The following MYO10 variants were observed in gnomAD, a reference collection of about 807,000 sequenced individuals.
The protein encoded by MYO10 is unconventional myosin-X.
A neutral mutation model predicts 257.3 loss-of-function variants in MYO10; 133 were observed. That is an observed-to-expected ratio of 0.52 (90% confidence interval 0.45 to 0.60). The LOEUF (loss-of-function observed/expected upper bound fraction) is 0.60. Among genes scored for constraint, MYO10 ranks in the 20% least tolerant of loss-of-function variants. The pLI, the probability that MYO10 is intolerant of heterozygous loss-of-function variation, is 0.00. For synonymous variants in MYO10, 1,104 were observed against 1,028.6 expected (o/e 1.07, Z -1.40); for missense variants, 2,399 against 2,635.7 (o/e 0.91, Z 1.97).
rs1561158469 is a variant in MYO10, at chr5:16,663,345, T to TTTTTTTTTTTTTTTTTTTTTTTTTTTTTA, written c.*3346_*3347insTAAAAAAAAAAAAAAAAAAAAAAAAAAAA. On this transcript the variant is annotated 3_prime_UTR_variant, in exon 41 of 41. Transcript: ENST00000513610. ...TTCTAGTTGTTTTTTTTTTTTTTTT[T>TTTTTTTTTTTTTTTTTTTTTTTTTTTTTA]TTTTTTTTTTTTTTTTTTTTTTACA... 1 of 90,372 alleles carries TTTTTTTTTTTTTTTTTTTTTTTTTTTTTA rather than the reference T, an allele frequency of 1.1e-5. No individual in the cohort carries two copies. Among genetic ancestry groups the TTTTTTTTTTTTTTTTTTTTTTTTTTTTTA allele is most frequent in the Non-Finnish European group, 2.7e-5 (1 of 37,216 alleles). The allele number at this position is 90,372 out of a possible 1,614,324, so 5.6% of individuals were successfully genotyped here.
At chr5:16,768,664 C>CTCTTTTTTT (rs760457328) in intron 10 of MYO10, among the ~76,000 whole-genome samples, 1 of 70,140 alleles carries the variant, frequency 1.4e-5, no homozygotes, top group Non-Finnish European at 2.5e-5. Context: ...TTTCTCTTTT[C>CTCTTTTTTT]TTTTTTTTTT....
chr5:16,783,046 C>T (rs1741468677), intron 5 of MYO10, among the ~76,000 whole-genome samples: 1 of 152,146 alleles, frequency 6.6e-6, no homozygotes, highest in African/African-American at 2.4e-5. Flanking sequence ...GATGCAGGTG[C>T]TTCAAAAACA....
Position 16,702,554 on chromosome 5 carries a change from G to T in MYO10, c.2545C>A (p.Arg849Ser). The change falls in exon 24 of 41, where the codon CGC (arginine) becomes AGC (serine). Residue 849 changes from arginine (R) to serine (S), a missense_variant. Physicochemically the swap from Arg to Ser is moderately radical, Grantham distance 110 (BLOSUM62 -1). Coordinates refer to ENST00000513610, the MANE Select transcript of MYO10 (RefSeq NM_012334.3). ...RERERREAEL[R>S]AQQEEETRKQ... The stretch of plus-strand genomic sequence containing the variant: ...ACTGCACTCATTACCTGCTGGGCGC[G>T]GAGCTCGGCTTCTCTTCGCTCTCTC... 6.3e-7 allele frequency: 1 copy of T among 1,591,450 alleles called. No individual in the cohort carries two copies. The highest frequency in any genetic ancestry group is 8.6e-7 in the Non-Finnish European group (1 of 1,168,458).
chr5:16,713,582 C>T lies in MYO10; in HGVS notation c.1930-2337G>A, dbSNP rs181981978. ...GGAGGGAGGGAGCAAGGAGCGGCCT[C>T]GAGATCCAGGCTCCCATTGCGATTG... On this transcript the variant is annotated intron_variant, in intron 19 of 40. Coordinates refer to ENST00000513610, the MANE Select transcript of MYO10 (RefSeq NM_012334.3). The T allele has an allele frequency of 1.2e-5, 10 of 814,202 alleles. No homozygotes were observed. The East Asian group carries it at 8.8e-4, about 71-fold the overall frequency. The allele number at this position is 814,202 out of a possible 1,614,324, so 50.4% of individuals were successfully genotyped here.
At position 16,854,840 on chromosome 5, in the gene MYO10, T is replaced by C. The variant is rs1012527930; in HGVS notation, c.120+22769A>G. 1.8e-4 allele frequency among the ~76,000 whole-genome samples: 27 copies of C among 152,140 alleles called. 1 individual carries two copies. Among genetic ancestry groups the C allele is most frequent in the Admixed American group, 1.2e-3 (19 of 15,270 alleles). ...TGAGGTCAGGAGTTCGAGACCAGCCTGGCTAACATGGTGAAACTCTATCTC... is the reference window on the plus strand; with the variant it reads ...TGAGGTCAGGAGTTCGAGACCAGCCCGGCTAACATGGTGAAACTCTATCTC... On this transcript the variant is annotated intron_variant, in intron 2 of 40. Transcript: ENST00000513610.
At position 16,694,353 on chromosome 5, in the gene MYO10, C is replaced by A; in HGVS notation, c.3800+18G>T. ...CCATGAGCAACCCATCGGGCCACAG[C>A]CAGGCTTAGCAACCTACTTTGCCGT... is the stretch of plus-strand genomic sequence containing the variant. On this transcript the variant is annotated intron_variant, in intron 27 of 40. Transcript: ENST00000513610. 2 of 1,613,670 alleles carry A rather than the reference C, an allele frequency of 1.2e-6. No homozygotes were observed. The highest frequency in any genetic ancestry group is 8.5e-7 in the Non-Finnish European group (1 of 1,179,602).
At chr5:16,818,352 G>A (rs1742689783) in intron 2 of MYO10, among the ~76,000 whole-genome samples, 185 bp from the exon 3 acceptor site, 1 of 140,912 alleles carries the variant, frequency 7.1e-6, no homozygotes, top group South Asian at 2.3e-4. Flanking sequence ...CTCTCTCTGT[G>A]TGTGTATGTA....
At chr5:16,809,562 T>C (rs896859196) in intron 3 of MYO10, among the ~76,000 whole-genome samples, 9 of 152,272 alleles carry the variant, frequency 5.9e-5, no homozygotes, top group Admixed American at 2.0e-4. Context: ...TTTCTCTGGC[T>C]GATGCCTGCT....
intron 3 of MYO10, among the ~76,000 whole-genome samples, chr5:16,797,227 A>C (rs1242851506): frequency 4.6e-5 from 7 of 152,190 alleles, no homozygotes; most frequent in African/African-American, 1.7e-4. Flanking sequence ...CATGATGCTG[A>C]AAAGAAATGT....
rs150919043 is a variant in MYO10 at position 16,712,805 on chromosome 5, G to A, written c.1930-1560C>T. Among the ~76,000 whole-genome samples, 9 of 152,310 alleles carry A rather than the reference G, an allele frequency of 5.9e-5. No homozygotes were observed. The East Asian group carries it at 1.7e-3, about 29-fold the overall frequency. On this transcript the variant is annotated intron_variant, in intron 19 of 40. Transcript: ENST00000513610. ...GCAGTATTCCAAACAAGTGCAGCCAGCAAATTAGGGCAAACATCCAAAGAA... is the reference window on the plus strand; with the variant it reads ...GCAGTATTCCAAACAAGTGCAGCCAACAAATTAGGGCAAACATCCAAAGAA...
At chr5:16,765,477 C>T (rs1740836361) in intron 11 of MYO10, among the ~76,000 whole-genome samples, 1 of 152,136 alleles carries the variant, frequency 6.6e-6, no homozygotes, top group South Asian at 2.1e-4. Context: ...AATAAACTCC[C>T]CTTTATATCT....
intron 34 of MYO10, 111 bp downstream of exon 34, chr5:16,675,920 G>A (rs1023645952): frequency 8.5e-6 from 11 of 1,295,470 alleles, no homozygotes; most frequent in Middle Eastern, 2.3e-4. Flanking sequence ...AATTCACGAC[G>A]AATAAGAGAG....
intron 27 of MYO10, among the ~76,000 whole-genome samples, chr5:16,690,171 GTAAC>G (rs1737433835): frequency 6.6e-6 from 1 of 152,146 alleles, no homozygotes; most frequent in Non-Finnish European, 1.5e-5. Flanking sequence ...ACAATACAGT[GTAAC>G]TACTATTTAC....
chr5:16,727,080 A>G (rs1055545379), intron 19 of MYO10, among the ~76,000 whole-genome samples: 5 of 152,272 alleles, frequency 3.3e-5, no homozygotes, highest in African/African-American at 9.6e-5. Context: ...AAAACTTAGT[A>G]TGAAAAAATA....
chr5:16,682,804 A>T (rs920458322), intron 30 of MYO10, among the ~76,000 whole-genome samples: 14 of 148,062 alleles, frequency 9.5e-5, no homozygotes, highest in South Asian at 2.1e-4. Flanking sequence ...AATAAAAAAT[A>T]AAAAAAGCCT....
chr5:16,690,649 C>A (rs1281238858), intron 27 of MYO10, among the ~76,000 whole-genome samples: 5 of 151,902 alleles, frequency 3.3e-5, no homozygotes, highest in African/African-American at 1.2e-4. Context: ...CAACCTCGGC[C>A]CGGCGTGAGC....
chr5:16,676,469 C>A (rs1409843007), intron 33 of MYO10, among the ~76,000 whole-genome samples: 3 of 152,196 alleles, frequency 2.0e-5, no homozygotes, highest in Non-Finnish European at 4.4e-5. Context: ...GTAATCCCCG[C>A]ATTTTGGGAG....
intron 4 of MYO10, among the ~76,000 whole-genome samples, chr5:16,791,778 T>C (rs1741766192): frequency 1.3e-5 from 2 of 152,240 alleles, no homozygotes. Context: ...TCTTAAATTA[T>C]ATTCTGTATG....
At chr5:16,927,972 T>G (rs1318853205) in intron 1 of MYO10, among the ~76,000 whole-genome samples, 1 of 152,142 alleles carries the variant, frequency 6.6e-6, no homozygotes, top group African/African-American at 2.4e-5. Flanking sequence ...CAATAACTGT[T>G]CCATGGGTAT....
Sources: gnomAD v4.1 joint callset for allele counts (sites outside exome capture counted in the v4.1 genomes callset) on GRCh38, gnomAD v4.1.1 for gene constraint, MANE v1.5 for transcripts, NCBI Gene and HGNC (gene_info 2026-07-23, HGNC 2026-07-21) for gene names.